The following GRIN2A variants were observed in gnomAD, a reference collection of about 807,000 sequenced individuals.
The protein encoded by GRIN2A is glutamate ionotropic receptor NMDA type subunit 2A, also known as glutamate receptor ionotropic, NMDA 2A.
In GRIN2A, 22 loss-of-function variants were observed where a neutral mutation model predicts 113.4. The observed-to-expected ratio is 0.19, with a 90% CI of 0.14 to 0.28. The LOEUF (loss-of-function observed/expected upper bound fraction) is 0.28. GRIN2A is among the 10% of genes least tolerant of loss of function. The pLI is 1.00. For synonymous variants in GRIN2A, 827 were observed against 738.4 expected (o/e 1.12, Z -1.94); for missense variants, 1,502 against 1,887.0 (o/e 0.80, Z 3.78).
At chr16:10,121,762 A>G (rs541994842) in intron 2 of GRIN2A, among the ~76,000 whole-genome samples, 5 of 152,158 alleles carry the variant, frequency 3.3e-5, no homozygotes, top group Non-Finnish European at 7.3e-5. Flanking sequence ...CATACAGGCA[A>G]TCATGTAGAG....
chr16:9,885,950 A>T (rs1000803263), intron 4 of GRIN2A, among the ~76,000 whole-genome samples: 10 of 152,236 alleles, frequency 6.6e-5, no homozygotes, highest in Non-Finnish European at 1.2e-4. Context: ...GAATTTGAAG[A>T]AAGGCCCACA....
At chr16:10,036,620 G>C (rs1273284810) in intron 2 of GRIN2A, among the ~76,000 whole-genome samples, 1 of 145,544 alleles carries the variant, frequency 6.9e-6, no homozygotes, top group East Asian at 2.0e-4. Flanking sequence ...TTTTTTTTTT[G>C]TATTTTTAGT....
intron 2 of GRIN2A, among the ~76,000 whole-genome samples, chr16:9,973,895 G>A (rs531612930): frequency 1.3e-5 from 2 of 152,222 alleles, no homozygotes; most frequent in East Asian, 1.9e-4. Context: ...CAGCAGACCA[G>A]CCCTTCAAGA....
At chr16:9,836,111 G>C (rs554036549) in intron 7 of GRIN2A, among the ~76,000 whole-genome samples, 98 of 152,206 alleles carry the variant, frequency 6.4e-4, no homozygotes, top group Non-Finnish European at 1.0e-3. Context: ...AGATTTATAA[G>C]TACTTCATAT....
At chr16:10,058,116 G>C (rs560248607) in intron 2 of GRIN2A, among the ~76,000 whole-genome samples, 1 of 152,004 alleles carries the variant, frequency 6.6e-6, no homozygotes, top group African/African-American at 2.4e-5. Flanking sequence ...TCAGCTGGGC[G>C]TGGTGGTGCA....
At chr16:10,126,609 T>G (rs1270141576) in intron 2 of GRIN2A, among the ~76,000 whole-genome samples, 1 of 152,220 alleles carries the variant, frequency 6.6e-6, no homozygotes, top group Admixed American at 6.5e-5. Context: ...TTTGTCTTTT[T>G]CTTAATTTGT....
At chr16:10,133,277 C>G (rs1450346202) in intron 2 of GRIN2A, among the ~76,000 whole-genome samples, 1 of 152,218 alleles carries the variant, frequency 6.6e-6, no homozygotes, top group African/African-American at 2.4e-5. Context: ...CTCCCCAAAA[C>G]TAACTCACGA....
intron 3 of GRIN2A, among the ~76,000 whole-genome samples, chr16:9,901,552 C>T (rs1026849107): frequency 6.6e-5 from 10 of 152,106 alleles, no homozygotes; most frequent in African/African-American, 1.2e-4. Flanking sequence ...CTCCACATCC[C>T]GGGTTCAAGT....
At chr16:9,965,250 T>G (rs555462932) in intron 2 of GRIN2A, among the ~76,000 whole-genome samples, 18 of 152,316 alleles carry the variant, frequency 1.2e-4, no homozygotes, top group Non-Finnish European at 2.2e-4. Context: ...AACAGATTCC[T>G]CTCCTAACCC....
intron 2 of GRIN2A, among the ~76,000 whole-genome samples, chr16:10,008,376 T>C (rs897614713): frequency 3.9e-5 from 6 of 152,208 alleles, no homozygotes; most frequent in Non-Finnish European, 5.9e-5. Context: ...TGGACTGCTG[T>C]TGACCACAGG....
At chr16:10,101,041 T>C (rs553049512) in intron 2 of GRIN2A, among the ~76,000 whole-genome samples, 11 of 152,352 alleles carry the variant, frequency 7.2e-5, no homozygotes, top group African/African-American at 2.6e-4. Flanking sequence ...GCTTTTGAGC[T>C]GAGGTCACAT....
rs144284851 is a variant in GRIN2A at position 9,914,077 on chromosome 16, C to G, written c.1008-22977G>C. 3.9e-3 allele frequency among the ~76,000 whole-genome samples: 572 copies of G among 147,954 alleles called. 2 individuals are homozygous for G. Among genetic ancestry groups the G allele is most frequent in the African/African-American group, 0.014 (544 of 39,910 alleles). ...CCAAGAATGTTTGATTTGGAGAGAA[C>G]TAGAAAATCATTCTTGGTTAAAAAA... On this transcript the variant is annotated intron_variant, in intron 3 of 12. Transcript: ENST00000330684.
intron 3 of GRIN2A, 172 bp downstream of exon 3, chr16:9,937,787 T>C: frequency 8.0e-6 from 5 of 622,932 alleles, no homozygotes; most frequent in Non-Finnish European, 1.4e-5. Context: ...GTGACTTTTC[T>C]TACAAAGGAG....
chr16:9,859,135 CT>C (rs1286615457), intron 4 of GRIN2A, among the ~76,000 whole-genome samples: 1 of 152,024 alleles, frequency 6.6e-6, no homozygotes, highest in African/African-American at 2.4e-5. Flanking sequence ...CCCAATCAAC[CT>C]CACTATTCTC....
At chr16:9,960,105 G>C (rs1380492131) in intron 2 of GRIN2A, among the ~76,000 whole-genome samples, 1 of 152,198 alleles carries the variant, frequency 6.6e-6, no homozygotes, top group Non-Finnish European at 1.5e-5. Flanking sequence ...CCAGGTAACA[G>C]ATAGTAGAAC....
intron 2 of GRIN2A, among the ~76,000 whole-genome samples, chr16:9,980,608 C>T (rs895346532): frequency 6.6e-6 from 1 of 151,960 alleles, no homozygotes. Context: ...CAATGATAGA[C>T]TAGATTAAGA....
chr16:9,885,923 T>G (rs2043577979), intron 4 of GRIN2A, among the ~76,000 whole-genome samples: 1 of 152,182 alleles, frequency 6.6e-6, no homozygotes, highest in African/African-American at 2.4e-5. Context: ...TTATGGGAAA[T>G]TGCTATGTTT....
At chr16:9,981,968 G>A (rs1313335565) in intron 2 of GRIN2A, among the ~76,000 whole-genome samples, 1 of 151,968 alleles carries the variant, frequency 6.6e-6, no homozygotes, top group Non-Finnish European at 1.5e-5. Flanking sequence ...TGTATTTTTA[G>A]TAGAGACGGG....
At chr16:9,803,765 G>A (rs544950884) in intron 10 of GRIN2A, among the ~76,000 whole-genome samples, 10 of 152,286 alleles carry the variant, frequency 6.6e-5, no homozygotes, top group African/African-American at 1.7e-4. Flanking sequence ...CAGCCCATAC[G>A]TGTCAAAAGT....
Sources: allele counts gnomAD v4.1 joint callset (sites outside exome capture counted in the v4.1 genomes callset), GRCh38; gene constraint gnomAD v4.1.1; transcripts MANE v1.5; gene names NCBI Gene and HGNC (gene_info 2026-07-23, HGNC 2026-07-21).